LRBA: variants seen among roughly 807,000 people sequenced by gnomAD.
LRBA encodes LPS responsive beige-like anchor protein.
Under a neutral mutation model 330.0 loss-of-function variants are expected in LRBA, and 176 were observed. The observed-to-expected ratio is 0.53, with a 90% confidence interval of 0.47 to 0.60. The LOEUF is 0.60. Ranked by LOEUF, LRBA falls within the 20% of genes least tolerant of loss-of-function variation. The pLI is 0.00. For synonymous variants in LRBA, 1,230 were observed against 1,193.0 expected, an observed-to-expected ratio of 1.03 and a Z score of -0.64; for missense variants, 3,259 against 3,444.8, an observed-to-expected ratio of 0.95 and a Z score of 1.35.
intron 40 of LRBA, among the ~76,000 whole-genome samples, chr4:150,557,070 T>G (rs761759477): frequency 6.6e-6 from 1 of 152,148 alleles, no homozygotes; most frequent in Non-Finnish European, 1.5e-5. Flanking sequence ...AATAGCTGAT[T>G]CTAGAGCTGC....
intron 40 of LRBA, among the ~76,000 whole-genome samples, chr4:150,509,323 C>A (rs72734489): frequency 6.6e-6 from 1 of 150,814 alleles, no homozygotes; most frequent in Non-Finnish European, 1.5e-5. Context: ...GAGAAAAAAA[C>A]GAAAAGGAAA....
chr4:150,789,858 T>A (rs1739653500), intron 34 of LRBA, among the ~76,000 whole-genome samples: 1 of 152,200 alleles, frequency 6.6e-6, no homozygotes, highest in South Asian at 2.1e-4. Flanking sequence ...ATTCTTTTTT[T>A]TTATACTTCA....
intron 36 of LRBA, among the ~76,000 whole-genome samples, chr4:150,719,223 C>T (rs994085921): frequency 7.9e-5 from 12 of 152,016 alleles, no homozygotes; most frequent in Non-Finnish European, 1.2e-4. Flanking sequence ...CCACCTTCCT[C>T]GTTCTCTCTC....
chr4:150,536,388 T>C (rs1764658288), intron 40 of LRBA, among the ~76,000 whole-genome samples: 1 of 152,256 alleles, frequency 6.6e-6, no homozygotes, highest in Non-Finnish European at 1.5e-5. Flanking sequence ...GAAAAGTATT[T>C]AGGAATGGAC....
chr4:150,601,247 T>C (rs571393520), intron 37 of LRBA, among the ~76,000 whole-genome samples: 2 of 152,338 alleles, frequency 1.3e-5, no homozygotes, highest in African/African-American at 4.8e-5. Flanking sequence ...AATTAAATGA[T>C]GTCATTCTTC....
intron 40 of LRBA, among the ~76,000 whole-genome samples, chr4:150,498,861 C>T (rs1245822180): frequency 2.0e-5 from 3 of 152,026 alleles, no homozygotes; most frequent in Admixed American, 6.6e-5. Flanking sequence ...AATAAAAATG[C>T]TACTAAAAGA....
In LRBA at chr4:150,429,559, A is replaced by G. The variant is rs116890478; in HGVS notation, c.7041+6030T>C. Among the ~76,000 whole-genome samples the G allele has an allele frequency of 8.5e-5, 13 of 152,256 alleles. No individual in the cohort carries two copies. In the East Asian group the frequency reaches 2.5e-3, roughly 29 times the overall value. On this transcript the variant is annotated intron_variant, in intron 46 of 56. Transcript: ENST00000651943. ...ATGAAGATCAGGAATTTAGTTTTGAACATGTTAAATTTAAGATACAGTTTA... is the reference window on the plus strand; with the variant it reads ...ATGAAGATCAGGAATTTAGTTTTGAGCATGTTAAATTTAAGATACAGTTTA...
At chr4:150,387,035 C>T (rs930101860) in intron 47 of LRBA, among the ~76,000 whole-genome samples, 1 of 152,008 alleles carries the variant, frequency 6.6e-6, no homozygotes, top group South Asian at 2.1e-4. Flanking sequence ...AGCTTTTTTT[C>T]ACAAGCTTTT....
chr4:150,579,779 C>G (rs867624138), intron 40 of LRBA: 4 of 453,278 alleles, frequency 8.8e-6, no homozygotes. Context: ...CGGAGCCATG[C>G]GAACCAACTC....
chr4:150,544,332 T>A (rs1183916075), intron 40 of LRBA, among the ~76,000 whole-genome samples: 1 of 152,278 alleles, frequency 6.6e-6, no homozygotes, highest in East Asian at 1.9e-4. Context: ...TTTGCCATGT[T>A]GGCCAGGCTG....
chr4:150,771,605 A>G (rs1344893753), intron 34 of LRBA, among the ~76,000 whole-genome samples: 2 of 152,178 alleles, frequency 1.3e-5, no homozygotes, highest in African/African-American at 4.8e-5. Context: ...TGCCCCTTCT[A>G]TGATGGAAGG....
intron 37 of LRBA, among the ~76,000 whole-genome samples, chr4:150,648,487 A>C (rs971431209): frequency 5.3e-5 from 8 of 152,046 alleles, no homozygotes; most frequent in Non-Finnish European, 1.0e-4. Flanking sequence ...CAGGATATTT[A>C]ACTACCTGGA....
intron 46 of LRBA, among the ~76,000 whole-genome samples, chr4:150,432,453 C>CTTTTT (rs35393002): frequency 0.065 from 6,367 of 97,984 alleles, 1,048 homozygotes; most frequent in Middle Eastern, 0.095. Context: ...TAAGTGTGTT[C>CTTTTT]TTTTTTTTTT....
intron 40 of LRBA, among the ~76,000 whole-genome samples, chr4:150,544,475 A>G (rs1341623070): frequency 6.6e-6 from 1 of 152,182 alleles, no homozygotes; most frequent in Non-Finnish European, 1.5e-5. Flanking sequence ...ATAACCGCTC[A>G]TCTTTCAGTT....
intron 38 of LRBA, among the ~76,000 whole-genome samples, chr4:150,592,571 G>A (rs953545501): frequency 2.6e-5 from 4 of 152,106 alleles, no homozygotes; most frequent in African/African-American, 7.2e-5. Context: ...ACACACATAT[G>A]ATGGTCTGGA....
intron 35 of LRBA, among the ~76,000 whole-genome samples, chr4:150,739,105 T>C (rs1731603049): frequency 6.6e-6 from 1 of 152,092 alleles, no homozygotes; most frequent in Admixed American, 6.5e-5. Context: ...ATAAACTTTT[T>C]TTAGTATGAG....
At chr4:150,681,856 A>G (rs1483350686) in intron 37 of LRBA, among the ~76,000 whole-genome samples, 2 of 152,184 alleles carry the variant, frequency 1.3e-5, no homozygotes, top group Admixed American at 1.3e-4. Context: ...CAACTCTATT[A>G]CTGAAACACT....
At chr4:150,402,095 CCTGA>C (rs1745555208) in intron 47 of LRBA, among the ~76,000 whole-genome samples, 1 of 149,254 alleles carries the variant, frequency 6.7e-6, no homozygotes, top group Non-Finnish European at 1.5e-5. Flanking sequence ...TCGAGATCAT[CCTGA>C]CTAACACGGT....
At chr4:150,447,011 T>C (rs1425740378) in intron 44 of LRBA, among the ~76,000 whole-genome samples, 1 of 152,186 alleles carries the variant, frequency 6.6e-6, no homozygotes, top group Non-Finnish European at 1.5e-5. Context: ...GGACTAGAAA[T>C]AAGCCAGTAA....
Sources: allele counts gnomAD v4.1 joint callset (sites outside exome capture counted in the v4.1 genomes callset), GRCh38; gene constraint gnomAD v4.1.1; transcripts MANE v1.5; gene names NCBI Gene and HGNC (gene_info 2026-07-23, HGNC 2026-07-21).